The following DSCAML1 variants were observed in gnomAD, a reference collection of about 807,000 sequenced individuals.
DSCAML1 encodes DS cell adhesion molecule like 1.
A neutral mutation model predicts 200.5 loss-of-function variants in DSCAML1; 38 were observed. The observed-to-expected ratio is 0.19, with a 90% confidence interval of 0.15 to 0.25. The LOEUF (loss-of-function observed/expected upper bound fraction) is 0.25, where lower values mean the gene tolerates loss of function less well. Among genes scored for constraint, DSCAML1 ranks in the 10% least tolerant of loss-of-function variants. The probability of loss-of-function intolerance (pLI) is 1.00; values close to 1 mark genes in which losing one functional copy is unlikely to be tolerated. For synonymous variants in DSCAML1, 1,215 were observed against 1,165.0 expected, an observed-to-expected ratio of 1.04 and a Z score of -0.87; for missense variants, 2,223 against 2,858.8, an observed-to-expected ratio of 0.78 and a Z score of 5.07.
At chr11:117,605,404 G>A (rs1264553291) in intron 3 of DSCAML1, among the ~76,000 whole-genome samples, 3 of 152,092 alleles carry the variant, frequency 2.0e-5, no homozygotes, top group African/African-American at 7.2e-5. Context: ...GCCCTCTGCC[G>A]CAAGCACAGA....
chr11:117,645,479 C>T (rs2052503563), intron 3 of DSCAML1, among the ~76,000 whole-genome samples: 2 of 152,034 alleles, frequency 1.3e-5, no homozygotes, highest in Admixed American at 1.3e-4. Flanking sequence ...TGCGGACCAG[C>T]ATAAAGAATT....
chr11:117,733,121 G>A (rs2054253884), intron 3 of DSCAML1, among the ~76,000 whole-genome samples: 1 of 141,146 alleles, frequency 7.1e-6, no homozygotes, highest in Admixed American at 7.5e-5. Flanking sequence ...GCAGAGGCAG[G>A]GAGGAGCATC....
chr11:117,782,178 A>G (rs978267432), intron 1 of DSCAML1, among the ~76,000 whole-genome samples: 1 of 152,154 alleles, frequency 6.6e-6, no homozygotes, highest in Admixed American at 6.5e-5. Context: ...GAGGGCCCAC[A>G]TCCGGCCGTA....
chr11:117,769,746 T>C (rs1276719588), intron 3 of DSCAML1, among the ~76,000 whole-genome samples: 4 of 150,860 alleles, frequency 2.7e-5, no homozygotes, highest in African/African-American at 7.3e-5. Context: ...ATCTGTAAAA[T>C]GGGGGAATAA....
At chr11:117,793,351 C>T (rs184674639) in intron 1 of DSCAML1, among the ~76,000 whole-genome samples, 26 of 152,244 alleles carry the variant, frequency 1.7e-4, no homozygotes, top group African/African-American at 5.3e-4. Flanking sequence ...TCCAAGATCA[C>T]GGAGGAGGGA....
intron 1 of DSCAML1, among the ~76,000 whole-genome samples, chr11:117,785,062 G>T (rs1455820083): frequency 6.6e-6 from 1 of 152,136 alleles, no homozygotes; most frequent in African/African-American, 2.4e-5. Context: ...AGTCATTTCT[G>T]ATCCAGGGAC....
chr11:117,711,250 TC>T (rs781392023), intron 3 of DSCAML1, among the ~76,000 whole-genome samples: 1 of 152,202 alleles, frequency 6.6e-6, no homozygotes, highest in South Asian at 2.1e-4. Context: ...CCAGCTTTTT[TC>T]CACCTTCCAT....
chr11:117,442,054 A>G (rs1338868060), intron 21 of DSCAML1, among the ~76,000 whole-genome samples: 1 of 150,286 alleles, frequency 6.7e-6, no homozygotes, highest in Admixed American at 6.6e-5. Context: ...GTGTTAGTGT[A>G]TGTGTGTGCG....
intron 3 of DSCAML1, among the ~76,000 whole-genome samples, chr11:117,776,019 G>A (rs1009725467): frequency 2.0e-5 from 3 of 152,282 alleles, no homozygotes; most frequent in Middle Eastern, 3.4e-3. Context: ...CCTGCAATGT[G>A]CGGAGATGAA....
chr11:117,723,103 G>A (rs1445678151), intron 3 of DSCAML1, among the ~76,000 whole-genome samples: 4 of 152,176 alleles, frequency 2.6e-5, no homozygotes, highest in Admixed American at 1.3e-4. Context: ...ATGCCAACAC[G>A]TGATGTGTTT....
intron 3 of DSCAML1, among the ~76,000 whole-genome samples, chr11:117,537,962 A>C (rs931949422): frequency 6.6e-6 from 1 of 152,202 alleles, no homozygotes; most frequent in African/African-American, 2.4e-5. Context: ...AGCTCTGGGC[A>C]GCTCACCCAG....
At position 117,504,779 on chromosome 11, in the gene DSCAML1, A is replaced by C; in HGVS notation, c.2182+145T>G. The C allele has an allele frequency of 8.5e-7, 1 of 1,176,566 alleles. No homozygotes were observed. The highest frequency in any genetic ancestry group is 2.8e-5 in the East Asian group (1 of 35,676). The allele number at this position is 1,176,566 out of a possible 1,614,324, so 72.9% of individuals were successfully genotyped here. On this transcript the variant is annotated intron_variant, in intron 10 of 32. Coordinates refer to ENST00000651296, the MANE Select transcript of DSCAML1 (RefSeq NM_020693.4). This position sits in a 1 kb window ranked among gnomAD's most constrained non-coding sequence, Gnocchi z 5.0. ...CTGAGGATGACTCCAGGTGAGGTGT[A>C]GCCTGGGGTCCACTGGGGTGCAGAC...
In DSCAML1 at chr11:117,465,030, G is replaced by T; in HGVS notation, c.3177C>A (p.Phe1059Leu). The T allele has an allele frequency of 6.2e-7, 1 of 1,614,128 alleles. No homozygotes were observed. The highest frequency in any genetic ancestry group is 8.5e-7 in the Non-Finnish European group (1 of 1,179,968). The change falls in exon 17 of 33, where the codon TTC (phenylalanine) becomes TTA (leucine). Residue 1059 changes from phenylalanine to leucine, a missense_variant. Phe to Leu is a conservative substitution (Grantham distance 22). Around this residue, in one of 7 missense-constraint regions of DSCAML1, gnomAD observed 438 missense variants for 629.7 expected, o/e 0.70. Transcript: ENST00000651296. ...CTTGGACCACCACCCCATACTGGGC[G>T]AACTTCTTGAGGTTGTCCAGGGTGT... ...EVYTLDNLKK[F>L]AQYGVVVQAF...
chr11:117,539,641 T>C (rs1265088830), intron 3 of DSCAML1, among the ~76,000 whole-genome samples: 4 of 96,254 alleles, frequency 4.2e-5, no homozygotes, highest in African/African-American at 1.3e-4. Context: ...GGAATAAAGG[T>C]CTAATTAGCA....
At chr11:117,658,457 G>A (rs2052776446) in intron 3 of DSCAML1, among the ~76,000 whole-genome samples, 1 of 152,204 alleles carries the variant, frequency 6.6e-6, no homozygotes, top group Non-Finnish European at 1.5e-5. Context: ...CAAAGTCAGA[G>A]TCCAGTTACC....
rs200472645 is a variant in DSCAML1 at position 117,521,432 on chromosome 11, G to A, written c.938-27C>T. 93 of 1,602,900 alleles carry A rather than the reference G, an allele frequency of 5.8e-5. No individual in the cohort carries two copies. In the African/African-American group the frequency reaches 1.1e-3, roughly 20 times the overall value. ...TGGGCCGGGCCAGGGAGACGTGAGG[G>A]GAAATGGGAGGGAGGAAAGAACAGA... On this transcript the variant is annotated intron_variant, in intron 5 of 32. Transcript: ENST00000651296.
At chr11:117,639,458 G>A (rs1471034581) in intron 3 of DSCAML1, among the ~76,000 whole-genome samples, 2 of 150,552 alleles carry the variant, frequency 1.3e-5, no homozygotes, top group African/African-American at 4.9e-5. Context: ...CTGGATGGGT[G>A]GGAGGCTGAA....
chr11:117,783,372 G>A (rs1047187090), intron 1 of DSCAML1, among the ~76,000 whole-genome samples: 2 of 152,142 alleles, frequency 1.3e-5, no homozygotes, highest in African/African-American at 4.8e-5. Context: ...GAGGAATTCA[G>A]GAATTGATTC....
rs750848419 is a variant in DSCAML1, at chr11:117,481,295, G to A, written c.2560-25C>T. 11 of 1,611,080 alleles carry A rather than the reference G, an allele frequency of 6.8e-6. No homozygotes were observed. The East Asian group carries it at 1.1e-4, about 16-fold the overall frequency. ...GCTGGGAGACCACCAGCAGGGGCAG[G>A]AGAGGGAGTAAACAGGGAGAGTCTT... On this transcript the variant is annotated intron_variant, in intron 12 of 32. Transcript: ENST00000651296.
Sources: gnomAD v4.1 joint callset for allele counts (sites outside exome capture counted in the v4.1 genomes callset) on GRCh38, gnomAD v4.1.1 for gene constraint, gnomAD v4.1.1 regional missense constraint, Gnocchi (gnomAD v3.1) non-coding constraint, MANE v1.5 for transcripts, NCBI Gene and HGNC (gene_info 2026-07-23, HGNC 2026-07-21) for gene names.